The following PCCA variants were observed in gnomAD, a reference collection of about 807,000 sequenced individuals.
The protein encoded by PCCA is propionyl-CoA carboxylase alpha chain, mitochondrial.
A neutral mutation model predicts 101.3 loss-of-function variants in PCCA; 74 were observed. That is an observed-to-expected ratio of 0.73 (90% CI 0.61 to 0.89). PCCA has a LOEUF of 0.89. Among genes scored for constraint, PCCA ranks in the 40% least tolerant of loss-of-function variants. The pLI is 0.00. For synonymous variants in PCCA, 294 were observed against 313.6 expected (o/e 0.94, Z 0.66); for missense variants, 891 against 907.0 (o/e 0.98, Z 0.23).
At chr13:100,247,708 G>A (rs1267303060) in intron 8 of PCCA, among the ~76,000 whole-genome samples, 1 of 151,138 alleles carries the variant, frequency 6.6e-6, no homozygotes, top group Admixed American at 6.6e-5. Context: ...TAGAGATGAG[G>A]TTTCACCATG....
chr13:100,445,766 A>G (rs1272254958), intron 20 of PCCA, among the ~76,000 whole-genome samples: 1 of 117,710 alleles, frequency 8.5e-6, no homozygotes, highest in African/African-American at 4.4e-5. Flanking sequence ...AAGTCTAAAT[A>G]ATATTCCATT....
rs188118873 is a variant in PCCA at position 100,341,523 on chromosome 13, A to G, written c.1643+1264A>G. 4.0e-3 allele frequency among the ~76,000 whole-genome samples: 602 copies of G among 152,314 alleles called. 8 individuals carry two copies. The highest frequency in any genetic ancestry group is 3.6e-3 in the Non-Finnish European group (246 of 68,038). ...TTACCGGAAACGTGGCTACATTTCA[A>G]CTGTTCCATAGCCACGCGTGGTTAG... On this transcript the variant is annotated intron_variant, in intron 18 of 23. Transcript: ENST00000376285.
At chr13:100,520,791 TAAAA>T (rs1566503265) in intron 22 of PCCA, among the ~76,000 whole-genome samples, 1 of 151,934 alleles carries the variant, frequency 6.6e-6, no homozygotes, top group Non-Finnish European at 1.5e-5. Flanking sequence ...AATTATAAAA[TAAAA>T]AATATTTATG....
intron 18 of PCCA, among the ~76,000 whole-genome samples, chr13:100,344,502 A>G (rs2071890913): frequency 6.6e-6 from 1 of 152,204 alleles, no homozygotes; most frequent in Admixed American, 6.5e-5. Flanking sequence ...TACTTGGGGC[A>G]TGCTTTTGTA....
intron 18 of PCCA, among the ~76,000 whole-genome samples, chr13:100,368,088 T>G (rs1447912988): frequency 6.6e-6 from 1 of 152,188 alleles, no homozygotes; most frequent in Admixed American, 6.5e-5. Flanking sequence ...TTAATACATT[T>G]TTAGTCTCAT....
intron 22 of PCCA, among the ~76,000 whole-genome samples, chr13:100,520,558 C>T (rs1012552576): frequency 6.7e-6 from 1 of 148,964 alleles, no homozygotes; most frequent in Admixed American, 6.8e-5. Context: ...TGGCGTGAAC[C>T]CGGAAGGCGG....
intron 4 of PCCA, among the ~76,000 whole-genome samples, chr13:100,131,220 C>G (rs2050483567): frequency 6.6e-6 from 1 of 152,142 alleles, no homozygotes; most frequent in Admixed American, 6.5e-5. Context: ...TTGTTCGGTT[C>G]AGATTGAACC....
chr13:100,456,500 A>G (rs1315540008), intron 21 of PCCA, among the ~76,000 whole-genome samples: 1 of 152,154 alleles, frequency 6.6e-6, no homozygotes, highest in Non-Finnish European at 1.5e-5. Flanking sequence ...TGCCATCAAG[A>G]TGCGGAGACC....
chr13:100,370,044 T>G (rs1233407738), intron 19 of PCCA, among the ~76,000 whole-genome samples: 4 of 151,390 alleles, frequency 2.6e-5, no homozygotes, highest in Non-Finnish European at 4.4e-5. Context: ...TAAAGAAAAC[T>G]GTCTAGATTA....
In PCCA at chr13:100,446,872, T is replaced by A. The variant is rs144630822; in HGVS notation, c.1846-2380T>A. 7.9e-5 allele frequency among the ~76,000 whole-genome samples: 12 copies of A among 152,362 alleles called. No homozygotes were observed. The East Asian group carries it at 2.3e-3, about 29-fold the overall frequency. ...CAAGGCTTATTCTGAACATATTGTT[T>A]TGTTCTTCTTGCCCTTAGAAATAAA... is the stretch of plus-strand genomic sequence containing the variant. On this transcript the variant is annotated intron_variant, in intron 20 of 23. Transcript: ENST00000376285.
intron 22 of PCCA, among the ~76,000 whole-genome samples, chr13:100,524,990 T>TAA (rs2087650090): frequency 7.6e-5 from 8 of 104,848 alleles, no homozygotes; most frequent in African/African-American, 2.5e-4. Flanking sequence ...GATGGATAGA[T>TAA]AGATAGATAG....
At chr13:100,336,208 GC>G (rs1304338329) in intron 17 of PCCA, among the ~76,000 whole-genome samples, 1 of 152,176 alleles carries the variant, frequency 6.6e-6, no homozygotes, top group Non-Finnish European at 1.5e-5. Flanking sequence ...GTTGTGGTGA[GC>G]CGAGATGGTG....
intron 21 of PCCA, among the ~76,000 whole-genome samples, chr13:100,476,172 TAGA>T (rs1035769760): frequency 1.3e-5 from 2 of 152,220 alleles, no homozygotes; most frequent in African/African-American, 2.4e-5. Flanking sequence ...ATAATCAGCA[TAGA>T]AGAGAAAATT....
intron 7 of PCCA, among the ~76,000 whole-genome samples, chr13:100,234,519 C>G (rs980500021): frequency 1.8e-4 from 28 of 151,774 alleles, no homozygotes; most frequent in African/African-American, 6.5e-4. Context: ...CTTTCAGGAC[C>G]CCTTTGAACT....
In PCCA at chr13:100,448,740, G is replaced by T. The variant is rs1440210867; in HGVS notation, c.1846-512G>T. 2.0e-5 allele frequency among the ~76,000 whole-genome samples: 3 copies of T among 152,116 alleles called. No individual in the cohort carries two copies. In the South Asian group the frequency reaches 6.2e-4, roughly 31 times the overall value. The stretch of plus-strand genomic sequence containing the variant: ...TTCACTACTCTCTGGACATAGAATT[G>T]CATTGTTGTTTTAAACAAATGCTAA... On this transcript the variant is annotated intron_variant, in intron 20 of 23. Transcript: ENST00000376285.
At chr13:100,433,219 C>G (rs2079680426) in intron 20 of PCCA, among the ~76,000 whole-genome samples, 1 of 152,216 alleles carries the variant, frequency 6.6e-6, no homozygotes, top group African/African-American at 2.4e-5. Flanking sequence ...ATAGTTGCTG[C>G]ACCATTTTAC....
At chr13:100,319,066 T>G (rs1352186591) in intron 16 of PCCA, among the ~76,000 whole-genome samples, 1 of 152,262 alleles carries the variant, frequency 6.6e-6, no homozygotes, top group African/African-American at 2.4e-5. Flanking sequence ...GGTTTTGGTT[T>G]GCATTTCTCT....
intron 6 of PCCA, among the ~76,000 whole-genome samples, chr13:100,193,905 C>A (rs1406151410): frequency 6.6e-6 from 1 of 151,928 alleles, no homozygotes; most frequent in East Asian, 1.9e-4. Context: ...TGGTGAAACC[C>A]CGTCTCTACA....
Position 100,112,621 on chromosome 13 carries a change from G to T in PCCA, c.300+560G>T, listed in dbSNP as rs189395535. 2.4e-3 allele frequency among the ~76,000 whole-genome samples: 328 copies of T among 139,284 alleles called. 3 individuals carry two copies. Among genetic ancestry groups the T allele is most frequent in the African/African-American group, 8.6e-3 (315 of 36,686 alleles). 91.4% of individuals were successfully genotyped at this position (139,284 alleles called of 152,430 possible). A position where few individuals can be genotyped will look rare whatever the true frequency, so the allele number is the denominator to read the frequency against. ...GGACAGAGTCTTGCTTTGTTGTCCA[G>T]GCTGGAGTGCAGTGGTGTGATCTCA... is the stretch of plus-strand genomic sequence containing the variant. On this transcript the variant is annotated intron_variant, in intron 4 of 23. Transcript: ENST00000376285.
Sources: allele counts gnomAD v4.1 joint callset (sites outside exome capture counted in the v4.1 genomes callset), GRCh38; gene constraint gnomAD v4.1.1; transcripts MANE v1.5; gene names NCBI Gene and HGNC (gene_info 2026-07-23, HGNC 2026-07-21).